XPO7: variants seen among roughly 807,000 people sequenced by gnomAD.
XPO7 encodes the protein exportin-7.
XPO7 carries 21 observed loss-of-function variants against 144.3 expected under a neutral mutation model. That is an observed-to-expected ratio of 0.15 (90% CI 0.10 to 0.21). The LOEUF is 0.21. Ranked by LOEUF, XPO7 falls within the 10% of genes least tolerant of loss-of-function variation. The pLI is 1.00. For synonymous variants in XPO7, 580 were observed against 499.6 expected (o/e 1.16, Z -2.15); for missense variants, 808 against 1,325.8 (o/e 0.61, Z 6.06).
chr8:21,929,745 T>C (rs1810583022), intron 1 of XPO7, among the ~76,000 whole-genome samples: 1 of 152,212 alleles, frequency 6.6e-6, no homozygotes. Flanking sequence ...TAAGATAGCC[T>C]ATTTTAAGAT....
At position 22,006,139 on chromosome 8, in the gene XPO7, C is replaced by T. The variant is rs1813323117; in HGVS notation, c.*1051C>T. 1.3e-5 allele frequency: 2 copies of T among 152,170 alleles called. No homozygotes were observed. Among genetic ancestry groups the T allele is most frequent in the African/African-American group, 2.4e-5 (1 of 41,422 alleles). The allele number at this position is 152,170 out of a possible 1,614,324, so 9.4% of individuals were successfully genotyped here. On this transcript the variant is annotated 3_prime_UTR_variant, in exon 28 of 28. Transcript: ENST00000252512. Reference sequence around the variant, plus strand: ...TACCCTGCACTCATGAATGTATGAACTGGAGGAAGTTACTACAGTGGAAGG... The same window carrying T: ...TACCCTGCACTCATGAATGTATGAATTGGAGGAAGTTACTACAGTGGAAGG...
Position 21,999,259 on chromosome 8 carries a change from A to G in XPO7, c.2597A>G (p.Gln866Arg), listed in dbSNP as rs754454466. 1 of 1,613,590 alleles carries G rather than the reference A, an allele frequency of 6.2e-7. No homozygotes were observed. The highest frequency in any genetic ancestry group is 8.5e-7 in the Non-Finnish European group (1 of 1,179,824). ...GACGATGCCCTGGACAATGCTCTGC[A>G]GACCTTCATCAAGCTGCTCCTCTCT... ...YGDDALDNAL[Q>R]TFIKLLLSIP... is the part of the protein sequence containing the mutation. The change falls in exon 23 of 28, where the codon CAG (glutamine) becomes CGG (arginine). Residue 866 changes from glutamine to arginine, a missense_variant. By Grantham distance (43) the Gln-to-Arg change is conservative (BLOSUM62 1). Around this residue, in one of 5 missense-constraint regions of XPO7, gnomAD observed 416 missense variants for 612.5 expected, o/e 0.68. Transcript: ENST00000252512.
At chr8:21,979,138 TG>T (rs1349744437) in intron 8 of XPO7, among the ~76,000 whole-genome samples, 8 of 152,102 alleles carry the variant, frequency 5.3e-5, no homozygotes, top group African/African-American at 1.9e-4. Context: ...GCACTACCCA[TG>T]GGTTCAAGCG....
intron 12 of XPO7, 122 bp from the exon 13 acceptor site, chr8:21,985,464 T>C (rs1812547981): frequency 3.3e-6 from 3 of 922,290 alleles, no homozygotes; most frequent in Non-Finnish European, 3.5e-6. Flanking sequence ...AGCCATTCTC[T>C]GTAAGAAAAG....
chr8:21,994,870 G>A (rs1162076103), intron 20 of XPO7, among the ~76,000 whole-genome samples: 3 of 152,080 alleles, frequency 2.0e-5, no homozygotes, highest in Admixed American at 1.3e-4. Context: ...TGGCTAACAC[G>A]GTGAAACCCC....
At chr8:21,989,286 A>G (rs1052932094) in intron 16 of XPO7, among the ~76,000 whole-genome samples, 8 of 152,198 alleles carry the variant, frequency 5.3e-5, no homozygotes, top group African/African-American at 1.9e-4. Context: ...CTGACACCCA[A>G]CCTGATAGTT....
intron 1 of XPO7, among the ~76,000 whole-genome samples, chr8:21,961,494 G>A (rs189332020): frequency 8.3e-4 from 127 of 152,162 alleles, no homozygotes; most frequent in African/African-American, 3.0e-3. Flanking sequence ...GGGATTATAG[G>A]TGTGAGCCAC....
intron 21 of XPO7, 38 bp downstream of exon 21, chr8:21,995,637 CTG>C: frequency 6.8e-7 from 1 of 1,473,584 alleles, no homozygotes; most frequent in Non-Finnish European, 9.3e-7. Flanking sequence ...CACATCTGCC[CTG>C]TTATCTGAGA....
At chr8:21,950,067 G>T (rs1305706860) in intron 1 of XPO7, among the ~76,000 whole-genome samples, 2 of 152,208 alleles carry the variant, frequency 1.3e-5, no homozygotes, top group African/African-American at 4.8e-5. Context: ...GGTGTCTTCA[G>T]TCTCTTGCTC....
At chr8:21,992,217 G>T (rs1812794199) in intron 19 of XPO7, among the ~76,000 whole-genome samples, 1 of 151,934 alleles carries the variant, frequency 6.6e-6, no homozygotes, top group African/African-American at 2.4e-5. Flanking sequence ...TTAGCATAAA[G>T]TTGTTTACAG....
At chr8:21,962,927 A>G (rs907109831) in intron 1 of XPO7, among the ~76,000 whole-genome samples, 22 of 152,202 alleles carry the variant, frequency 1.4e-4, no homozygotes, top group Non-Finnish European at 2.6e-4. Flanking sequence ...CTAGGTCCTT[A>G]AAATGGTTCA....
rs1047219341 is a variant in XPO7 at position 22,002,280 on chromosome 8, A to G, written c.2943+8A>G. 17 of 1,611,284 alleles carry G rather than the reference A, an allele frequency of 1.1e-5. No individual in the cohort carries two copies. The African/African-American group carries it at 2.1e-4, about 20-fold the overall frequency. ...CCAGAGATGATCCAGCAGGTAAGAA[A>G]GTGGAGGCTTAGGAGGCAGTGATGG... On this transcript the variant is annotated splice_region_variant and intron_variant, in intron 25 of 27. Transcript: ENST00000252512.
At chr8:21,950,528 G>A (rs1391693470) in intron 1 of XPO7, among the ~76,000 whole-genome samples, 3 of 152,168 alleles carry the variant, frequency 2.0e-5, no homozygotes. Context: ...CATTAGTGGT[G>A]TTTTCACTTA....
intron 1 of XPO7, among the ~76,000 whole-genome samples, chr8:21,937,471 T>C (rs1158595645): frequency 6.6e-6 from 1 of 152,234 alleles, no homozygotes; most frequent in Non-Finnish European, 1.5e-5. Context: ...TAGTGTACTT[T>C]TCCGACTGTG....
chr8:21,999,641 C>A lies in XPO7; in HGVS notation c.2749C>A (p.Leu917Ile). ...GGAACCTCACGTCATCATGTATATT[C>A]TCTCTTCCATTTCTGAAGGACTTAC... ...SLEPHVIMYI[L>I]SSISEGLTAL... Residue 917 changes from leucine (L) to isoleucine (I), a missense_variant, in exon 24 of 28, where the codon CTC becomes ATC. Transcript: ENST00000252512. The A allele has an allele frequency of 6.2e-7, 1 of 1,614,040 alleles. No homozygotes were observed. The highest frequency in any genetic ancestry group is 8.5e-7 in the Non-Finnish European group (1 of 1,179,902).
intron 22 of XPO7, 39 bp downstream of exon 22, chr8:21,998,876 C>A (rs756549664): frequency 6.2e-7 from 1 of 1,602,916 alleles, no homozygotes; most frequent in South Asian, 1.1e-5. Context: ...GAAGTTAATT[C>A]CAGCTCAGTC....
At chr8:21,924,076 C>T (rs1163596493) in intron 1 of XPO7, among the ~76,000 whole-genome samples, 2 of 152,170 alleles carry the variant, frequency 1.3e-5, no homozygotes, top group African/African-American at 4.8e-5. Context: ...AATCTCAGGG[C>T]TTGACTTGAG....
intron 19 of XPO7, among the ~76,000 whole-genome samples, chr8:21,992,834 C>A (rs1442249095): frequency 6.6e-6 from 1 of 152,156 alleles, no homozygotes; most frequent in Non-Finnish European, 1.5e-5. Flanking sequence ...CTGTATAGAT[C>A]TGTGTCCAAA....
At chr8:21,969,722 T>A in intron 3 of XPO7, 146 bp downstream of exon 3, 1 of 829,404 alleles carries the variant, frequency 1.2e-6, no homozygotes, top group African/African-American at 1.7e-5. Flanking sequence ...TTTCCAGAAT[T>A]TGGGGCTTAT....
Sources: allele counts gnomAD v4.1 joint callset (sites outside exome capture counted in the v4.1 genomes callset), GRCh38; gene constraint gnomAD v4.1.1; regional missense constraint gnomAD v4.1.1; transcripts MANE v1.5; gene names NCBI Gene and HGNC (gene_info 2026-07-23, HGNC 2026-07-21).